Variants in SLC35G2 observed in about 807,000 individuals in gnomAD.
SLC35G2 encodes the protein solute carrier family 35 member G2, also known as transmembrane protein 22.
In SLC35G2, 20 loss-of-function variants were observed where a neutral mutation model predicts 27.2. The ratio of observed to expected loss-of-function variants is 0.74; its 90% CI spans 0.52 to 1.07. SLC35G2 has a LOEUF of 1.07. Among genes scored for constraint, SLC35G2 ranks in the 50% least tolerant of loss-of-function variants. The probability of loss-of-function intolerance (pLI) is 0.00; values close to 1 mark genes in which losing one functional copy is unlikely to be tolerated. For missense variants in SLC35G2, 416 were observed against 493.3 expected (o/e 0.84, Z 1.48); for synonymous variants, 148 against 165.3 (o/e 0.90, Z 0.80).
rs1327218203 is a variant in SLC35G2 at position 136,855,473 on chromosome 3, C to G, written c.1013C>G (p.Ala338Gly). 5 of 1,614,082 alleles carry G rather than the reference C, an allele frequency of 3.1e-6. No individual in the cohort carries two copies. The East Asian group carries it at 1.1e-4, about 36-fold the overall frequency. The change falls in exon 2 of 2, where the codon GCC becomes GGC. Residue 338 changes from alanine to glycine, a missense_variant. Transcript: ENST00000446465. ...GCAGCATTCTTAGGAGTTTATTATG[C>G]CTTGGACAAATTCCATCCAGCTTTG... ...STAAFLGVYY[A>G]LDKFHPALVS... is the part of the protein sequence containing the mutation.
At chr3:136,835,969 A>T in intron 1 of SLC35G2, among the ~76,000 whole-genome samples, 1 of 152,164 alleles carries the variant, frequency 6.6e-6, no homozygotes, top group South Asian at 2.1e-4. Context: ...TGCCACAATC[A>T]TTGCAGTTAT....
intron 1 of SLC35G2, among the ~76,000 whole-genome samples, chr3:136,851,375 T>C (rs1407260263): frequency 6.6e-6 from 1 of 151,654 alleles, no homozygotes; most frequent in Non-Finnish European, 1.5e-5. Flanking sequence ...CGGGAGCCTG[T>C]AGTTCCCAGC....
chr3:136,829,994 T>C (rs1936683287), intron 1 of SLC35G2, among the ~76,000 whole-genome samples: 1 of 152,148 alleles, frequency 6.6e-6, no homozygotes, highest in African/African-American at 2.4e-5. Flanking sequence ...TATTATTTCT[T>C]TGAATAAACT....
intron 1 of SLC35G2, among the ~76,000 whole-genome samples, chr3:136,852,597 G>A (rs1937713837): frequency 6.6e-6 from 1 of 151,080 alleles, no homozygotes. Flanking sequence ...GGTTCAAGCA[G>A]TTCTCCTACC....
chr3:136,851,135 C>T (rs918411208), intron 1 of SLC35G2, among the ~76,000 whole-genome samples: 2 of 152,034 alleles, frequency 1.3e-5, no homozygotes, highest in African/African-American at 2.4e-5. Flanking sequence ...AAGAAAAATA[C>T]ACAAGTGGCT....
chr3:136,847,601 T>C (rs1043567652), intron 1 of SLC35G2, among the ~76,000 whole-genome samples: 9 of 150,364 alleles, frequency 6.0e-5, no homozygotes, highest in African/African-American at 2.0e-4. Context: ...AAAAAAAAAT[T>C]GGCTTATGTT....
At chr3:136,821,755 G>A (rs374835816) in intron 1 of SLC35G2, among the ~76,000 whole-genome samples, 3 of 152,114 alleles carry the variant, frequency 2.0e-5, no homozygotes, top group East Asian at 1.9e-4. Context: ...AAAATTTTAC[G>A]TGTATAATAC....
chr3:136,854,962 C>T lies in SLC35G2; in HGVS notation c.502C>T (p.Leu168Phe), dbSNP rs936942553. Residue 168 changes from leucine to phenylalanine, a missense_variant, in exon 2 of 2, where the codon CTC becomes TTC. Transcript: ENST00000446465. ...PFGPSGYRLR[L>F]FFYGVCNVIS... is the part of the protein sequence containing the mutation. Reference sequence around the variant, plus strand: ...TGGACCCAGTGGATACAGATTACGACTCTTCTTTTATGGTGTATGCAATGT... The same window carrying T: ...TGGACCCAGTGGATACAGATTACGATTCTTCTTTTATGGTGTATGCAATGT... 6.2e-7 allele frequency: 1 copy of T among 1,614,122 alleles called. No individual in the cohort carries two copies. Among genetic ancestry groups the T allele is most frequent in the African/African-American group, 1.3e-5 (1 of 75,038 alleles).
intron 1 of SLC35G2, among the ~76,000 whole-genome samples, chr3:136,841,102 T>A (rs932750409): frequency 6.6e-6 from 1 of 151,946 alleles, no homozygotes; most frequent in African/African-American, 2.4e-5. Context: ...GTGCTGGGAT[T>A]GCAGGCATGA....
At chr3:136,847,973 T>G (rs1367335283) in intron 1 of SLC35G2, among the ~76,000 whole-genome samples, 2 of 152,070 alleles carry the variant, frequency 1.3e-5, no homozygotes, top group African/African-American at 4.8e-5. Flanking sequence ...CAAGACTCTG[T>G]CTCAAAACAA....
intron 1 of SLC35G2, among the ~76,000 whole-genome samples, chr3:136,834,432 C>A (rs1936811757): frequency 6.6e-6 from 1 of 152,132 alleles, no homozygotes; most frequent in Admixed American, 6.5e-5. Context: ...CTCCCGGGTT[C>A]AAGCGATTCT....
At chr3:136,852,066 A>T (rs1006030378) in intron 1 of SLC35G2, among the ~76,000 whole-genome samples, 1 of 152,252 alleles carries the variant, frequency 6.6e-6, no homozygotes, top group African/African-American at 2.4e-5. Flanking sequence ...GGAACTGGAA[A>T]AATTGTGGTA....
At chr3:136,830,077 T>C (rs67782618) in intron 1 of SLC35G2, among the ~76,000 whole-genome samples, 65,191 of 149,470 alleles carry the variant, frequency 0.44, 14,827 homozygotes, top group East Asian at 0.75. Flanking sequence ...TGAGGCTGTT[T>C]CTAGATTTTT....
At chr3:136,830,817 T>G (rs1936712113) in intron 1 of SLC35G2, among the ~76,000 whole-genome samples, 1 of 152,238 alleles carries the variant, frequency 6.6e-6, no homozygotes, top group South Asian at 2.1e-4. Flanking sequence ...GCCTTATCAA[T>G]TCTGCTATTA....
In SLC35G2 at chr3:136,855,222, A is replaced by G; in HGVS notation, c.762A>G (p.Glu254=). Residue 254 remains glutamate, a synonymous_variant, in exon 2 of 2, where the codon GAA becomes GAG. Coordinates refer to ENST00000446465, the MANE Select transcript of SLC35G2 (RefSeq NM_025246.3). ...ATTCTTTGTTAAATGCCTGGAAAGA[A>G]GCCTTTGGGTACACCATGACTGTGA... is the stretch of plus-strand genomic sequence containing the variant. ...EDNSLLNAWK[E]AFGYTMTVMA... The G allele has an allele frequency of 6.2e-7, 1 of 1,614,222 alleles. No homozygotes were observed. Among genetic ancestry groups the G allele is most frequent in the South Asian group, 1.1e-5 (1 of 91,088 alleles).
chr3:136,852,142 G>C (rs1937666673), intron 1 of SLC35G2, among the ~76,000 whole-genome samples: 1 of 152,134 alleles, frequency 6.6e-6, no homozygotes, highest in Non-Finnish European at 1.5e-5. Context: ...ATTCAGTTTG[G>C]GATTGTTGAA....
At chr3:136,833,243 T>C (rs1438944330) in intron 1 of SLC35G2, among the ~76,000 whole-genome samples, 2 of 152,136 alleles carry the variant, frequency 1.3e-5, no homozygotes, top group South Asian at 2.1e-4. Flanking sequence ...TATTGAAATG[T>C]TGTTAAGTGG....
At chr3:136,843,109 G>A (rs986732084) in intron 1 of SLC35G2, 6 of 151,330 alleles carry the variant, frequency 4.0e-5, no homozygotes, top group African/African-American at 1.5e-4. Context: ...GGATCATGAG[G>A]TCAGGAGATC....
chr3:136,838,741 A>T (rs574053502), intron 1 of SLC35G2: 1 of 152,312 alleles, frequency 6.6e-6, no homozygotes, highest in East Asian at 1.9e-4. Context: ...GAAGGATTTG[A>T]TAGTAGCTTC....
Sources: gnomAD v4.1 joint callset for allele counts (sites outside exome capture counted in the v4.1 genomes callset) on GRCh38, gnomAD v4.1.1 for gene constraint, MANE v1.5 for transcripts, NCBI Gene and HGNC (gene_info 2026-07-23, HGNC 2026-07-21) for gene names.